FSTL5: variants seen among roughly 807,000 people sequenced by gnomAD.
FSTL5 encodes follistatin like 5.
A neutral mutation model predicts 89.1 loss-of-function variants in FSTL5; 62 were observed. The observed-to-expected ratio is 0.70, with a 90% confidence interval of 0.57 to 0.86. FSTL5 has a LOEUF of 0.86. FSTL5 is among the 40% of genes least tolerant of loss of function. The pLI is 0.00. For missense variants in FSTL5, 1,057 were observed against 1,001.6 expected (o/e 1.06, Z -0.75); for synonymous variants, 383 against 346.2 (o/e 1.11, Z -1.18).
At chr4:161,623,775 C>T (rs532612253) in intron 7 of FSTL5, among the ~76,000 whole-genome samples, 11 of 151,836 alleles carry the variant, frequency 7.2e-5, no homozygotes, top group Admixed American at 2.6e-4. Context: ...AAAAGCCTAC[C>T]GCTTTTTCAT....
At chr4:162,072,985 C>T (rs1390140724) in intron 2 of FSTL5, among the ~76,000 whole-genome samples, 11 of 151,762 alleles carry the variant, frequency 7.2e-5, no homozygotes, top group Non-Finnish European at 1.3e-4. Context: ...TGAACTGAGG[C>T]ACTGACTCTT....
chr4:161,428,543 G>A (rs1397853219), intron 15 of FSTL5, among the ~76,000 whole-genome samples: 2 of 152,188 alleles, frequency 1.3e-5, no homozygotes, highest in South Asian at 4.1e-4. Context: ...GCCAGAGTAG[G>A]TTAGGGCAAT....
At chr4:161,971,756 C>T (rs1216840735) in intron 3 of FSTL5, among the ~76,000 whole-genome samples, 1 of 152,178 alleles carries the variant, frequency 6.6e-6, no homozygotes, top group East Asian at 1.9e-4. Context: ...ATATTAATTT[C>T]AATATATCCC....
intron 12 of FSTL5, among the ~76,000 whole-genome samples, chr4:161,490,044 C>A (rs1331982330): frequency 6.6e-6 from 1 of 151,970 alleles, no homozygotes; most frequent in Non-Finnish European, 1.5e-5. Flanking sequence ...AAAACAGAGA[C>A]ATGAATTCTG....
intron 3 of FSTL5, among the ~76,000 whole-genome samples, chr4:161,963,677 C>A (rs1187100637): frequency 6.6e-6 from 1 of 151,900 alleles, no homozygotes; most frequent in Non-Finnish European, 1.5e-5. Flanking sequence ...TAAAAGATTT[C>A]TCTTTTACAA....
At chr4:161,474,577 G>A (rs184928886) in intron 13 of FSTL5, among the ~76,000 whole-genome samples, 29 of 146,706 alleles carry the variant, frequency 2.0e-4, no homozygotes, top group African/African-American at 6.0e-4. Flanking sequence ...GCGGAGTCTC[G>A]CTCTCTCGCT....
chr4:162,075,500 G>T (rs10517759), intron 2 of FSTL5, among the ~76,000 whole-genome samples: 2 of 151,778 alleles, frequency 1.3e-5, no homozygotes, highest in Non-Finnish European at 2.9e-5. Context: ...ACATTCCTGT[G>T]TTTGGTCATC....
chr4:161,848,083 A>G (rs1455273360), intron 4 of FSTL5, among the ~76,000 whole-genome samples: 1 of 150,424 alleles, frequency 6.6e-6, no homozygotes, highest in East Asian at 2.0e-4. Flanking sequence ...CAAACAGCAC[A>G]TGAATTTCTT....
chr4:162,020,056 C>T (rs1437096975), intron 3 of FSTL5, among the ~76,000 whole-genome samples: 1 of 151,496 alleles, frequency 6.6e-6, no homozygotes, highest in African/African-American at 2.4e-5. Context: ...AATAATGTCT[C>T]ATATATTATT....
At chr4:161,911,564 C>T (rs1258928288) in intron 4 of FSTL5, among the ~76,000 whole-genome samples, 2 of 152,018 alleles carry the variant, frequency 1.3e-5, no homozygotes, top group African/African-American at 2.4e-5. Context: ...ACTAAAGGCA[C>T]TTAAAGAAAC....
At chr4:161,751,992 T>G (rs532716276) in intron 6 of FSTL5, among the ~76,000 whole-genome samples, 1 of 152,318 alleles carries the variant, frequency 6.6e-6, no homozygotes, top group South Asian at 2.1e-4. Flanking sequence ...AAGGTAAGCT[T>G]AGAATTATCA....
chr4:161,589,895 A>C (rs544249767), intron 7 of FSTL5, among the ~76,000 whole-genome samples: 37 of 152,080 alleles, frequency 2.4e-4, no homozygotes, highest in African/African-American at 8.9e-4. Context: ...ACACAAGCAG[A>C]AATTGAAGGC....
intron 2 of FSTL5, among the ~76,000 whole-genome samples, chr4:162,074,211 G>GA (rs1401109960): frequency 6.6e-6 from 1 of 151,616 alleles, no homozygotes; most frequent in Admixed American, 6.6e-5. Flanking sequence ...CCCCTTTTCT[G>GA]AAAGAAAGTC....
At chr4:161,571,685 T>C (rs1031960410) in intron 8 of FSTL5, among the ~76,000 whole-genome samples, 3 of 152,128 alleles carry the variant, frequency 2.0e-5, no homozygotes, top group African/African-American at 4.8e-5. Flanking sequence ...GAGGATACAG[T>C]CTTCAGAAAC....
At position 161,461,000 on chromosome 4, in the gene FSTL5, G is replaced by A. The variant is rs115520062; in HGVS notation, c.1609-1681C>T. On this transcript the variant is annotated intron_variant, in intron 13 of 15. Transcript: ENST00000306100. ...TGTAGTTTCTGTATTGTAAAGATTAGTATGATGCATGATTTCTGAGAATAA... is the reference window on the plus strand; with the variant it reads ...TGTAGTTTCTGTATTGTAAAGATTAATATGATGCATGATTTCTGAGAATAA... Among the ~76,000 whole-genome samples, 485 of 152,082 alleles carry A rather than the reference G, an allele frequency of 3.2e-3. 3 individuals carry two copies. Among genetic ancestry groups the A allele is most frequent in the African/African-American group, 0.011 (435 of 41,418 alleles).
At chr4:161,961,290 T>A (rs1735168151) in intron 3 of FSTL5, among the ~76,000 whole-genome samples, 1 of 151,942 alleles carries the variant, frequency 6.6e-6, no homozygotes, top group Non-Finnish European at 1.5e-5. Flanking sequence ...TTTGTTTGTG[T>A]TTGTAGAGAC....
At chr4:161,970,637 G>T (rs923456528) in intron 3 of FSTL5, among the ~76,000 whole-genome samples, 8 of 152,000 alleles carry the variant, frequency 5.3e-5, no homozygotes, top group African/African-American at 1.7e-4. Flanking sequence ...GGAAAACAGA[G>T]ATTTTCCATT....
At chr4:161,458,931 A>C (rs1733460957) in intron 14 of FSTL5, among the ~76,000 whole-genome samples, 1 of 152,246 alleles carries the variant, frequency 6.6e-6, no homozygotes. Context: ...GTTAAAAAGT[A>C]AATTATGACT....
intron 12 of FSTL5, among the ~76,000 whole-genome samples, chr4:161,494,619 A>G (rs1730001833): frequency 6.6e-6 from 1 of 152,204 alleles, no homozygotes; most frequent in Non-Finnish European, 1.5e-5. Flanking sequence ...ACAGACTGGT[A>G]ACAGTAGTTT....
Sources: gnomAD v4.1 joint callset for allele counts (sites outside exome capture counted in the v4.1 genomes callset) on GRCh38, gnomAD v4.1.1 for gene constraint, MANE v1.5 for transcripts, NCBI Gene and HGNC (gene_info 2026-07-23, HGNC 2026-07-21) for gene names.